CAMSAP1: variants seen among roughly 807,000 people sequenced by gnomAD.
The protein encoded by CAMSAP1 is calmodulin-regulated spectrin-associated protein 1.
CAMSAP1 carries 58 observed loss-of-function variants against 143.5 expected under a neutral mutation model. The ratio of observed to expected loss-of-function variants is 0.40; its 90% CI spans 0.33 to 0.50. The LOEUF is 0.50. Ranked by LOEUF, CAMSAP1 falls within the 20% of genes least tolerant of loss-of-function variation. The probability of loss-of-function intolerance (pLI) is 0.45; values close to 1 mark genes in which losing one functional copy is unlikely to be tolerated. For synonymous variants in CAMSAP1, 945 were observed against 859.3 expected, an observed-to-expected ratio of 1.10 and a Z score of -1.74; for missense variants, 1,969 against 2,115.7, an observed-to-expected ratio of 0.93 and a Z score of 1.36.
intron 5 of CAMSAP1, among the ~76,000 whole-genome samples, chr9:135,852,509 T>G (rs973315168): frequency 1.3e-5 from 2 of 152,210 alleles, no homozygotes; most frequent in Non-Finnish European, 2.9e-5. Flanking sequence ...TATTTCTGGC[T>G]CAGGTGGGGT....
rs573382284 is a variant in CAMSAP1 at position 135,874,334 on chromosome 9, G to A, written c.585+7299C>T. ...AAAATTTTTTTTTAATTAGCCAGGC[G>A]TGGTGCTGTGTGCTGTAGTCCCAGC... On this transcript the variant is annotated intron_variant, in intron 3 of 16. Coordinates refer to ENST00000389532, the MANE Select transcript of CAMSAP1 (RefSeq NM_015447.4). Among the ~76,000 whole-genome samples, 146 of 152,094 alleles carry A rather than the reference G, an allele frequency of 9.6e-4. 1 individual carries two copies. Among genetic ancestry groups the A allele is most frequent in the South Asian group, 9.6e-3 (46 of 4,810 alleles).
rs1588448287 is a variant in CAMSAP1 at position 135,824,730 on chromosome 9, A to G, written c.1315+59T>C. The G allele has an allele frequency of 1.1e-5, 13 of 1,151,794 alleles. No individual in the cohort carries two copies. The highest frequency in any genetic ancestry group is 1.6e-5 in the African/African-American group (1 of 62,668). The allele number at this position is 1,151,794 out of a possible 1,614,324, so 71.3% of individuals were successfully genotyped here. A position where few individuals can be genotyped will look rare whatever the true frequency, so the allele number is the denominator to read the frequency against. On this transcript the variant is annotated intron_variant, in intron 9 of 16. Transcript: ENST00000389532. The surrounding 1 kb of genome is among the most constrained non-coding windows in gnomAD (Gnocchi z 4.1). ...AAATGATTTAATTTTGAGAAATATG[A>G]TTTTACTAATCTATAGTAAGGAGAA...
At chr9:135,833,207 A>G (rs1054668131) in intron 7 of CAMSAP1, among the ~76,000 whole-genome samples, 55 of 150,392 alleles carry the variant, frequency 3.7e-4, no homozygotes, top group African/African-American at 1.3e-3. Context: ...TCAGCCTCCC[A>G]AGTAGCTGGG....
At chr9:135,828,394 G>A (rs1456817657) in intron 7 of CAMSAP1, among the ~76,000 whole-genome samples, 1 of 152,168 alleles carries the variant, frequency 6.6e-6, no homozygotes, top group Admixed American at 6.5e-5. Flanking sequence ...CTCTGCAGAC[G>A]GTCTAGGGAA....
chr9:135,824,976 A>G lies in CAMSAP1; in HGVS notation c.1224-96T>C. ...GTGTACAGGACCATCCTGAATTCAC[A>G]CCAAGTTTTGAGAAACTCGGACTGT... On this transcript the variant is annotated intron_variant, in intron 8 of 16. Coordinates refer to ENST00000389532, the MANE Select transcript of CAMSAP1 (RefSeq NM_015447.4). The surrounding 1 kb of genome is among the most constrained non-coding windows in gnomAD (Gnocchi z 4.1). The G allele has an allele frequency of 1.0e-6, 1 of 978,312 alleles. No individual in the cohort carries two copies. 60.6% of individuals were successfully genotyped at this position (978,312 alleles called of 1,614,324 possible). A position where few individuals can be genotyped will look rare whatever the true frequency, so the allele number is the denominator to read the frequency against.
intron 3 of CAMSAP1, among the ~76,000 whole-genome samples, chr9:135,871,116 G>A (rs1037258072): frequency 6.6e-6 from 1 of 152,208 alleles, no homozygotes; most frequent in Admixed American, 6.5e-5. Flanking sequence ...AAAGTAGATA[G>A]GAGAATCAGC....
In CAMSAP1 at chr9:135,821,920, G is replaced by A. The variant is rs1835479391; in HGVS notation, c.2741C>T (p.Ala914Val). The A allele has an allele frequency of 6.2e-7, 1 of 1,613,404 alleles. No homozygotes were observed. The highest frequency in any genetic ancestry group is 8.5e-7 in the Non-Finnish European group (1 of 1,179,782). ...ARQRLKLGKA[A>V]FLHVVKKGKA... ...GCCCTTCTTCACCACATGCAGGAATGCAGCCTTGCCGAGCTTCAGGCGCTG... is the reference window on the plus strand; with the variant it reads ...GCCCTTCTTCACCACATGCAGGAATACAGCCTTGCCGAGCTTCAGGCGCTG... The change falls in exon 11 of 17, where the codon GCA (alanine) becomes GTA (valine). Residue 914 changes from alanine to valine, a missense_variant. Around this residue, in one of 4 missense-constraint regions of CAMSAP1, gnomAD observed 1,390 missense variants for 1,420.8 expected, o/e 0.98. Transcript: ENST00000389532. This position sits in a 1 kb window ranked among gnomAD's most constrained non-coding sequence, Gnocchi z 4.6.
intron 4 of CAMSAP1, among the ~76,000 whole-genome samples, chr9:135,864,852 C>G (rs978521045): frequency 8.5e-5 from 13 of 152,192 alleles, no homozygotes; most frequent in Non-Finnish European, 1.8e-4. Flanking sequence ...ACAGAGGAAT[C>G]TGACATGCTG....
rs775853044 is a variant in CAMSAP1 at position 135,821,280 on chromosome 9, T to G, written c.3381A>C (p.Val1127=). 3 of 1,610,804 alleles carry G rather than the reference T, an allele frequency of 1.9e-6. No individual in the cohort carries two copies. The African/African-American group carries it at 4.0e-5, about 21-fold the overall frequency. The change falls in exon 11 of 17, where the codon GTA becomes GTC. Residue 1127 remains valine, a synonymous_variant. Transcript: ENST00000389532. This position sits in a 1 kb window ranked among gnomAD's most constrained non-coding sequence, Gnocchi z 4.6. ...AGGGTCTCAAGTGCGGGAGCGTCTC[T>G]ACACTGGGCGTTGGGGTTTTACTTC... ...SSRSKTPTPS[V]ETLPHLRPFP... is the part of the protein sequence containing the mutation.
At chr9:135,906,058 T>C (rs1473831820) in intron 1 of CAMSAP1, among the ~76,000 whole-genome samples, 1 of 152,252 alleles carries the variant, frequency 6.6e-6, no homozygotes, top group Non-Finnish European at 1.5e-5. Context: ...TAAGGCGAGT[T>C]ATTTAATCCC....
chr9:135,880,926 T>A (rs12550997), intron 3 of CAMSAP1, among the ~76,000 whole-genome samples: 1 of 152,092 alleles, frequency 6.6e-6, no homozygotes, highest in Non-Finnish European at 1.5e-5. Context: ...AGCTTCTAAA[T>A]GTAAAAGGAG....
At chr9:135,854,365 A>G (rs1471987242) in intron 5 of CAMSAP1, among the ~76,000 whole-genome samples, 1 of 150,648 alleles carries the variant, frequency 6.6e-6, no homozygotes, top group African/African-American at 2.4e-5. Context: ...TTTCCAGATT[A>G]TCTATTTTAT....
At chr9:135,825,556 G>T (rs1232516213) in intron 8 of CAMSAP1, among the ~76,000 whole-genome samples, 2 of 152,230 alleles carry the variant, frequency 1.3e-5, no homozygotes, top group Non-Finnish European at 2.9e-5. Context: ...AACGGCACAT[G>T]CAGGAAAGGC....
chr9:135,883,107 G>A, intron 1 of CAMSAP1, 29 bp from the exon 2 acceptor site: 1 of 1,549,734 alleles, frequency 6.5e-7, no homozygotes, highest in Non-Finnish European at 8.7e-7. Context: ...GACCAGGTGA[G>A]TGCCACACAC....
intron 5 of CAMSAP1, among the ~76,000 whole-genome samples, chr9:135,855,904 T>C (rs1435540744): frequency 6.6e-6 from 1 of 151,224 alleles, no homozygotes; most frequent in African/African-American, 2.4e-5. Flanking sequence ...TACAAAAAAT[T>C]AGCCGGGCGC....
intron 14 of CAMSAP1, among the ~76,000 whole-genome samples, chr9:135,817,440 GGAGTGCAGTAGCCT>G (rs992005035): frequency 6.6e-6 from 1 of 152,196 alleles, no homozygotes; most frequent in Admixed American, 6.5e-5. Flanking sequence ...TGCCCAGGCT[GGAGTGCAGTAGCCT>G]GAGCACAGCT....
chr9:135,891,398 G>A (rs527683552), intron 1 of CAMSAP1, among the ~76,000 whole-genome samples: 21 of 152,328 alleles, frequency 1.4e-4, no homozygotes, highest in Admixed American at 2.0e-4. Context: ...CCCCAGAGAC[G>A]TGTATGAGCC....
chr9:135,823,088 G>A lies in CAMSAP1; in HGVS notation c.1573C>T (p.His525Tyr). 2 of 1,614,020 alleles carry A rather than the reference G, an allele frequency of 1.2e-6. No individual in the cohort carries two copies. The highest frequency in any genetic ancestry group is 2.2e-5 in the South Asian group (2 of 91,084). The stretch of plus-strand genomic sequence containing the variant: ...ACATTGCTCAGGAGGCTCTTCCCGT[G>A]GCTCTTCGTGGCCGTGGGGTGTGGC... ...NQPHPTATKS[H>Y]GKSLLSNVSI... The change falls in exon 11 of 17, where the codon CAC (histidine) becomes TAC (tyrosine). Residue 525 changes from histidine (H) to tyrosine (Y), a missense_variant. Coordinates refer to ENST00000389532, the MANE Select transcript of CAMSAP1 (RefSeq NM_015447.4).
In CAMSAP1 at chr9:135,823,104, G is replaced by A; in HGVS notation, c.1557C>T (p.Pro519=). Residue 519 remains proline, a synonymous_variant, in exon 11 of 17, where the codon CCC becomes CCT. Transcript: ENST00000389532. ...VNLTPQNQPH[P]TATKSHGKSL... ...TCTTCCCGTGGCTCTTCGTGGCCGT[G>A]GGGTGTGGCTGGTTCTGTGGGGTCA... 1 of 1,613,992 alleles carries A rather than the reference G, an allele frequency of 6.2e-7. No homozygotes were observed. Among genetic ancestry groups the A allele is most frequent in the Non-Finnish European group, 8.5e-7 (1 of 1,179,898 alleles).
Sources: allele counts gnomAD v4.1 joint callset (sites outside exome capture counted in the v4.1 genomes callset), GRCh38; gene constraint gnomAD v4.1.1; regional missense constraint gnomAD v4.1.1; non-coding constraint Gnocchi (gnomAD v3.1); transcripts MANE v1.5; gene names NCBI Gene and HGNC (gene_info 2026-07-23, HGNC 2026-07-21).